The following NTAQ1 variants were observed in gnomAD, a reference collection of about 807,000 sequenced individuals.
NTAQ1 encodes the protein N-terminal glutamine amidase 1.
Under a neutral mutation model 28.2 loss-of-function variants are expected in NTAQ1, and 21 were observed. That is an observed-to-expected ratio of 0.74 (90% CI 0.53 to 1.07). NTAQ1 has a LOEUF of 1.07. Ranked by LOEUF, NTAQ1 falls within the 50% of genes least tolerant of loss-of-function variation. The pLI, the probability that NTAQ1 is intolerant of heterozygous loss-of-function variation, is 0.00. For synonymous variants in NTAQ1, 105 were observed against 90.0 expected (o/e 1.17, Z -0.94); for missense variants, 264 against 256.6 (o/e 1.03, Z -0.20).
exon 7 of NTAQ1, among the ~76,000 whole-genome samples, chr8:123,468,104 T>G (rs143747939): frequency 1.3e-5 from 2 of 152,014 alleles, no homozygotes; most frequent in African/African-American, 4.8e-5. Context: ...AGGAGGTGAG[T>G]TGGGAAAGGG....
intron 5 of NTAQ1, among the ~76,000 whole-genome samples, chr8:123,440,724 C>T (rs1006750931): frequency 3.3e-5 from 5 of 151,998 alleles, no homozygotes; most frequent in African/African-American, 1.2e-4. Flanking sequence ...GTTCTCTTAA[C>T]TTCTGACCTC....
At chr8:123,423,870 T>TTTATTATTA (rs71310681) in intron 1 of NTAQ1, among the ~76,000 whole-genome samples, 6 of 149,538 alleles carry the variant, frequency 4.0e-5, no homozygotes, top group Admixed American at 6.7e-5. Flanking sequence ...CTTTGTAGTT[T>TTTATTATTA]TTATTATTAT....
At chr8:123,436,687 T>A in intron 4 of NTAQ1, 86 bp downstream of exon 4, 1 of 1,452,242 alleles carries the variant, frequency 6.9e-7, no homozygotes, top group Non-Finnish European at 9.3e-7. Flanking sequence ...TTGACAATTG[T>A]TTTGTAAAGA....
intron 6 of NTAQ1, among the ~76,000 whole-genome samples, chr8:123,459,640 T>C (rs1283152368): frequency 6.6e-6 from 1 of 151,956 alleles, no homozygotes; most frequent in African/African-American, 2.4e-5. Context: ...TTCCTATTAC[T>C]CAGGAAATCA....
intron 1 of NTAQ1, among the ~76,000 whole-genome samples, chr8:123,419,081 G>GTTTTT (rs762479894): frequency 3.5e-4 from 42 of 119,932 alleles, no homozygotes; most frequent in African/African-American, 5.1e-4. Flanking sequence ...AGCTTTGGGG[G>GTTTTT]TTTTTTTTTT....
At chr8:123,431,074 A>C (rs1035352371) in intron 3 of NTAQ1, among the ~76,000 whole-genome samples, 1 of 152,196 alleles carries the variant, frequency 6.6e-6, no homozygotes, top group Non-Finnish European at 1.5e-5. Flanking sequence ...ACGGTGGCTC[A>C]TGCCTATAAT....
chr8:123,420,590 C>CTTTT (rs71310676), intron 1 of NTAQ1, among the ~76,000 whole-genome samples: 26,523 of 101,822 alleles, frequency 0.26, 4,790 homozygotes, highest in South Asian at 0.41. Context: ...TATTTTTTGC[C>CTTTT]TTTTTTTTTT....
At chr8:123,452,683 C>T (rs1013140746), downstream of NTAQ1, among the ~76,000 whole-genome samples, 3 of 151,904 alleles carry the variant, frequency 2.0e-5, no homozygotes, top group African/African-American at 7.3e-5. Flanking sequence ...GGGCGGATCA[C>T]CTGAGGTCAG....
chr8:123,458,405 G>A (rs942959367), intron 6 of NTAQ1, among the ~76,000 whole-genome samples: 2 of 152,064 alleles, frequency 1.3e-5, no homozygotes, highest in African/African-American at 4.8e-5. Context: ...TGATTGGGCT[G>A]CTGTGAGTGA....
At chr8:123,431,732 C>T (rs965481322) in intron 3 of NTAQ1, among the ~76,000 whole-genome samples, 7 of 152,186 alleles carry the variant, frequency 4.6e-5, no homozygotes, top group African/African-American at 1.7e-4. Flanking sequence ...GTTATTTACC[C>T]TCTGTCTTCA....
At chr8:123,452,327 T>C (rs750421481), downstream of NTAQ1, among the ~76,000 whole-genome samples, 55 of 152,244 alleles carry the variant, frequency 3.6e-4, 1 homozygote, top group Non-Finnish European at 4.8e-4. Context: ...TCAGGCACAG[T>C]GGCTCACACC....
At chr8:123,423,876 A>G (rs566805481) in intron 1 of NTAQ1, among the ~76,000 whole-genome samples, 2 of 150,858 alleles carry the variant, frequency 1.3e-5, no homozygotes, top group Non-Finnish European at 3.0e-5. Context: ...AGTTTTTATT[A>G]TTATTATTAT....
Position 123,419,081 on chromosome 8 carries a change from G to GTTTTTTT in NTAQ1, c.83+2178_83+2184dup, listed in dbSNP as rs762479894. 1.3e-4 allele frequency among the ~76,000 whole-genome samples: 15 copies of GTTTTTTT among 119,930 alleles called. 1 individual carries two copies. Among genetic ancestry groups the GTTTTTTT allele is most frequent in the African/African-American group, 2.7e-4 (8 of 29,556 alleles). 78.7% of individuals were successfully genotyped at this position (119,930 alleles called of 152,430 possible). On this transcript the variant is annotated intron_variant, in intron 1 of 5. Coordinates refer to ENST00000287387, the MANE Select transcript of NTAQ1 (RefSeq NM_018024.3). ...TACTTTGGCTCCTGCAGCTTTGGGGGTTTTTTTTTTTTTTTTTTTTTTTTT... is the reference window on the plus strand; with the variant it reads ...TACTTTGGCTCCTGCAGCTTTGGGGGTTTTTTTTTTTTTTTTTTTTTTTTTTTTTTTT...
rs558200082 is a variant in NTAQ1, at chr8:123,441,281, AT to A, written c.509-16del. 2.9e-4 allele frequency: 445 copies of A among 1,514,254 alleles called. 2 individuals are homozygous for A. The highest frequency in any genetic ancestry group is 2.8e-3 in the African/African-American group (196 of 71,234). The allele number at this position is 1,514,254 out of a possible 1,614,324, so 93.8% of individuals were successfully genotyped here. A position where few individuals can be genotyped will look rare whatever the true frequency, so the allele number is the denominator to read the frequency against. The stretch of plus-strand genomic sequence containing the variant: ...AACCAAAATTGTGTTTTCAGTGGAC[AT>A]TTTTTTTTCATATATTTTTTTAGAT... On this transcript the variant is annotated intron_variant, in intron 5 of 5. Transcript: ENST00000287387.
intron 6 of NTAQ1, among the ~76,000 whole-genome samples, chr8:123,459,142 T>G (rs1586969231): frequency 6.6e-6 from 1 of 151,658 alleles, no homozygotes; most frequent in East Asian, 2.0e-4. Context: ...TCTCAGCTAC[T>G]CAGGAGGTGG....
intron 1 of NTAQ1, among the ~76,000 whole-genome samples, chr8:123,422,488 G>C (rs1813761697): frequency 6.6e-6 from 1 of 151,784 alleles, no homozygotes; most frequent in African/African-American, 2.4e-5. Context: ...TGTTGCCCAG[G>C]CTCATCTTGA....
chr8:123,470,764 G>C (rs1199132953), downstream of NTAQ1, among the ~76,000 whole-genome samples: 1 of 152,106 alleles, frequency 6.6e-6, no homozygotes, highest in Non-Finnish European at 1.5e-5. Context: ...TGCTTCATTT[G>C]AAAACTAGAG....
chr8:123,430,052 A>G lies in NTAQ1; in HGVS notation c.234+19A>G. 6.2e-7 allele frequency: 1 copy of G among 1,606,698 alleles called. No individual in the cohort carries two copies. The highest frequency in any genetic ancestry group is 1.1e-5 in the South Asian group (1 of 90,432). ...GATCTGGGTAAGACAGTTAATACAG[A>G]GAGTATTGACGCATTATGACTTGTA... On this transcript the variant is annotated intron_variant, in intron 3 of 5. Coordinates refer to ENST00000287387, the MANE Select transcript of NTAQ1 (RefSeq NM_018024.3).
chr8:123,453,623 A>G (rs1815568078), intron 6 of NTAQ1, among the ~76,000 whole-genome samples: 1 of 151,952 alleles, frequency 6.6e-6, no homozygotes, highest in South Asian at 2.1e-4. Flanking sequence ...AGACGGGTTC[A>G]CCATGTTGGC....
Sources: allele counts gnomAD v4.1 joint callset (sites outside exome capture counted in the v4.1 genomes callset), GRCh38; gene constraint gnomAD v4.1.1; transcripts MANE v1.5; gene names NCBI Gene and HGNC (gene_info 2026-07-23, HGNC 2026-07-21).